Variants in ARHGEF3 observed in about 807,000 individuals in gnomAD.
ARHGEF3 encodes 59.8 kDA protein.
In ARHGEF3, 28 loss-of-function variants were observed where a neutral mutation model predicts 63.2. That is an observed-to-expected ratio of 0.44 (90% CI 0.33 to 0.61). The LOEUF is 0.61. Among genes scored for constraint, ARHGEF3 ranks in the 20% least tolerant of loss-of-function variants. The probability of loss-of-function intolerance (pLI) is 0.03; values close to 1 mark genes in which losing one functional copy is unlikely to be tolerated. For missense variants in ARHGEF3, 533 were observed against 659.3 expected, an observed-to-expected ratio of 0.81 and a Z score of 2.10; for synonymous variants, 266 against 254.2, an observed-to-expected ratio of 1.05 and a Z score of -0.44.
intron 2 of ARHGEF3, among the ~76,000 whole-genome samples, chr3:56,980,750 G>A (rs748036589): frequency 6.6e-6 from 1 of 152,290 alleles, no homozygotes; most frequent in East Asian, 1.9e-4. Context: ...TGCCATTATC[G>A]TTCAGATTTA....
At chr3:57,014,289 G>C (rs1427877531) in intron 2 of ARHGEF3, among the ~76,000 whole-genome samples, 5 of 152,124 alleles carry the variant, frequency 3.3e-5, no homozygotes, top group African/African-American at 1.2e-4. Flanking sequence ...AGGGTCCGCG[G>C]CTTCATTCTT....
intron 2 of ARHGEF3, among the ~76,000 whole-genome samples, chr3:56,766,310 C>T (rs2035698646): frequency 6.6e-6 from 1 of 152,188 alleles, no homozygotes; most frequent in Admixed American, 6.5e-5. Flanking sequence ...AAATAACTCC[C>T]TGATCTAAGG....
chr3:56,780,680 C>T (rs1296437096), intron 1 of ARHGEF3, among the ~76,000 whole-genome samples: 1 of 152,176 alleles, frequency 6.6e-6, no homozygotes, highest in Non-Finnish European at 1.5e-5. Context: ...CTAATTGACA[C>T]TTGTGAAGAG....
In ARHGEF3 at chr3:56,756,603, A is replaced by G. The variant is rs531535873; in HGVS notation, c.205-1452T>C. Among the ~76,000 whole-genome samples, 519 of 134,626 alleles carry G rather than the reference A, an allele frequency of 3.9e-3. 1 individual carries two copies. Among genetic ancestry groups the G allele is most frequent in the African/African-American group, 0.014 (488 of 35,250 alleles). The allele number at this position is 134,626 out of a possible 152,430, so 88.3% of individuals were successfully genotyped here. On this transcript the variant is annotated intron_variant, in intron 2 of 9. Transcript: ENST00000296315. ...CTTGCTCTGTCGCCCAGGCTGGAGT[A>G]CAGTGGTGCGATCTCGGCTCACTGC...
chr3:56,867,431 G>C (rs1560006560), intron 4 of ARHGEF3, among the ~76,000 whole-genome samples: 1 of 151,998 alleles, frequency 6.6e-6, no homozygotes, highest in East Asian at 1.9e-4. Context: ...GATAAGAAGA[G>C]AGGGGAGTGC....
chr3:56,744,404 T>C (rs1487988890), intron 7 of ARHGEF3, among the ~76,000 whole-genome samples: 1 of 151,406 alleles, frequency 6.6e-6, no homozygotes, highest in Non-Finnish European at 1.5e-5. Context: ...AACCTTTTTT[T>C]TTTTTTTTTT....
Position 56,995,666 on chromosome 3 carries a change from A to AGAGAGAGAGAGAGG in ARHGEF3, c.63-36778_63-36777insCCTCTCTCTCTCTC, listed in dbSNP as rs1560116629. ...GAGAGAGAGAGAGAGAGAGAGAGAG[A>AGAGAGAGAGAGAGG]GAGAGAATTTTTTTTAACCTGGTCT... On this transcript the variant is annotated intron_variant, in intron 2 of 12. Coordinates refer to the ARHGEF3 transcript ENST00000338458. Among the ~76,000 whole-genome samples the AGAGAGAGAGAGAGG allele has an allele frequency of 8.9e-4, 113 of 127,242 alleles. 1 individual carries two copies. The highest frequency in any genetic ancestry group is 1.5e-3 in the Non-Finnish European group (84 of 57,856). 83.5% of individuals were successfully genotyped at this position (127,242 alleles called of 152,430 possible). A position where few individuals can be genotyped will look rare whatever the true frequency, so the allele number is the denominator to read the frequency against.
chr3:56,969,491 G>T (rs977215027), intron 2 of ARHGEF3, among the ~76,000 whole-genome samples: 5 of 152,002 alleles, frequency 3.3e-5, no homozygotes, highest in African/African-American at 1.2e-4. Context: ...TACATATAAG[G>T]GCCGGGCGCG....
At chr3:57,040,937 C>G (rs551097561) in intron 1 of ARHGEF3, among the ~76,000 whole-genome samples, 84 of 151,532 alleles carry the variant, frequency 5.5e-4, no homozygotes, top group Non-Finnish European at 1.1e-3. Flanking sequence ...TTACCTGCCT[C>G]TCACATACAG....
At chr3:56,734,053 T>C (rs2033425314) in intron 8 of ARHGEF3, among the ~76,000 whole-genome samples, 1 of 151,312 alleles carries the variant, frequency 6.6e-6, no homozygotes, top group Non-Finnish European at 1.5e-5. Context: ...ACCTTGGTTC[T>C]CTGAAGAGGG....
intron 2 of ARHGEF3, among the ~76,000 whole-genome samples, chr3:56,756,742 G>A (rs951210252): frequency 6.6e-6 from 1 of 151,914 alleles, no homozygotes; most frequent in Non-Finnish European, 1.5e-5. Flanking sequence ...GTAGAGACAG[G>A]GTTTCACCAT....
intron 3 of ARHGEF3, among the ~76,000 whole-genome samples, chr3:56,906,573 C>T (rs767241977): frequency 2.0e-5 from 3 of 152,190 alleles, no homozygotes; most frequent in Non-Finnish European, 4.4e-5. Context: ...TGGTGGTTCA[C>T]GCCTATAATC....
chr3:56,802,010 C>A, upstream of ARHGEF3: 2 of 542,882 alleles, frequency 3.7e-6, no homozygotes, highest in South Asian at 3.6e-5. Flanking sequence ...GGGGAGGGGG[C>A]GGGCCGCCGG....
chr3:56,799,595 C>G (rs1434925870), intron 1 of ARHGEF3, among the ~76,000 whole-genome samples: 1 of 152,152 alleles, frequency 6.6e-6, no homozygotes, highest in Non-Finnish European at 1.5e-5. Context: ...CAAGCGAATG[C>G]TATTTTTTAA....
At chr3:56,857,248 T>G (rs889464572) in intron 4 of ARHGEF3, among the ~76,000 whole-genome samples, 1 of 152,186 alleles carries the variant, frequency 6.6e-6, no homozygotes, top group Non-Finnish European at 1.5e-5. Flanking sequence ...CTAACGTTGA[T>G]TTCCCTTTCT....
At chr3:56,873,299 T>G (rs1200794918) in intron 4 of ARHGEF3, among the ~76,000 whole-genome samples, 2 of 152,040 alleles carry the variant, frequency 1.3e-5, no homozygotes, top group Non-Finnish European at 2.9e-5. Context: ...TCATGGGGGT[T>G]TGTTGTAGAG....
At chr3:56,922,168 G>A (rs888263432) in intron 3 of ARHGEF3, among the ~76,000 whole-genome samples, 5 of 152,070 alleles carry the variant, frequency 3.3e-5, no homozygotes, top group Non-Finnish European at 7.3e-5. Flanking sequence ...AAGAAGCAAG[G>A]GCCACCTGAA....
intron 3 of ARHGEF3, among the ~76,000 whole-genome samples, chr3:56,936,754 C>G (rs1698925198): frequency 6.6e-6 from 1 of 152,210 alleles, no homozygotes; most frequent in African/African-American, 2.4e-5. Flanking sequence ...GGGTCTCACT[C>G]CATTGCCCAG....
rs1225160705 is a variant in ARHGEF3 at position 56,728,826 on chromosome 3, C to T, written c.*444G>A. On this transcript the variant is annotated 3_prime_UTR_variant, in exon 10 of 10. Coordinates refer to ENST00000296315, the MANE Select transcript of ARHGEF3 (RefSeq NM_019555.3). ...TTCTCTCTCTAATACCATCCCAATA[C>T]ACAGATGAGTTCCTCATGCCCTATT... is the stretch of plus-strand genomic sequence containing the variant. 5.9e-6 allele frequency: 1 copy of T among 168,724 alleles called. No individual in the cohort carries two copies. Among genetic ancestry groups the T allele is most frequent in the East Asian group, 1.6e-4 (1 of 6,180 alleles). The allele number at this position is 168,724 out of a possible 1,614,324, so 10.5% of individuals were successfully genotyped here.
Sources: gnomAD v4.1 joint callset for allele counts (sites outside exome capture counted in the v4.1 genomes callset) on GRCh38, gnomAD v4.1.1 for gene constraint, MANE v1.5 for transcripts, NCBI Gene and HGNC (gene_info 2026-07-23, HGNC 2026-07-21) for gene names.